The following WDPCP variants were observed in gnomAD, a reference collection of about 807,000 sequenced individuals.
The protein encoded by WDPCP is WD repeat containing planar cell polarity effector.
Under a neutral mutation model 93.1 loss-of-function variants are expected in WDPCP, and 71 were observed. The observed-to-expected ratio is 0.76, with a 90% CI of 0.63 to 0.93. The LOEUF (loss-of-function observed/expected upper bound fraction) is 0.93. WDPCP is among the 40% of genes least tolerant of loss of function. The pLI, the probability that WDPCP is intolerant of heterozygous loss-of-function variation, is 0.00. For synonymous variants in WDPCP, 315 were observed against 315.0 expected, an observed-to-expected ratio of 1.00 and a Z score of 0.00; for missense variants, 844 against 887.4, an observed-to-expected ratio of 0.95 and a Z score of 0.62.
chr2:63,282,372 G>A (rs879474210), intron 13 of WDPCP, among the ~76,000 whole-genome samples: 2 of 152,178 alleles, frequency 1.3e-5, no homozygotes, highest in Non-Finnish European at 2.9e-5. Flanking sequence ...GGGCGTGGTG[G>A]TGCGTACCTG....
chr2:63,579,757 G>A (rs1258484098), intron 1 of WDPCP, among the ~76,000 whole-genome samples: 1 of 125,190 alleles, frequency 8.0e-6, no homozygotes, highest in Non-Finnish European at 1.6e-5. Context: ...AGGCAGGTAG[G>A]TAGATACACA....
chr2:63,248,991 G>A (rs75321049), intron 14 of WDPCP, among the ~76,000 whole-genome samples: 12,765 of 151,628 alleles, frequency 0.084, 738 homozygotes, highest in African/African-American at 0.16. Flanking sequence ...CTGTTTTAAA[G>A]ACTTTGCCTA....
intron 15 of WDPCP, among the ~76,000 whole-genome samples, chr2:63,164,404 C>T (rs1672824349): frequency 6.6e-6 from 1 of 152,124 alleles, no homozygotes; most frequent in African/African-American, 2.4e-5. Flanking sequence ...GCACTGTCCC[C>T]TTGGTGCTGT....
intron 13 of WDPCP, among the ~76,000 whole-genome samples, chr2:63,311,484 G>A (rs947451957): frequency 6.6e-6 from 1 of 152,192 alleles, no homozygotes; most frequent in Admixed American, 6.5e-5. Flanking sequence ...CTTTAAAGCA[G>A]ACCTTGGGCT....
chr2:63,814,873 T>C (rs1360034565), intron 1 of WDPCP, among the ~76,000 whole-genome samples: 7 of 152,202 alleles, frequency 4.6e-5, no homozygotes. Flanking sequence ...TAGGATATGT[T>C]TGTCAACTCT....
rs115989750 is a variant in WDPCP at position 63,802,977 on chromosome 2, A to G, written n.308+10645T>C. ...ACATTGTAATAACACAAAAAGTTCA[A>G]GGTTTTCATTTTGTAGTGAGCTCCT... On this transcript the variant is annotated intron_variant and non_coding_transcript_variant, in intron 2 of 4. Transcript: ENST00000467687. 6.2e-3 allele frequency among the ~76,000 whole-genome samples: 947 copies of G among 152,300 alleles called. 7 individuals carry two copies. The highest frequency in any genetic ancestry group is 0.021 in the South Asian group (103 of 4,822).
chr2:63,622,583 G>A, intron 3 of WDPCP: 1 of 1,613,932 alleles, frequency 6.2e-7, no homozygotes, highest in Non-Finnish European at 8.5e-7. Context: ...CCACAATAGA[G>A]TCCTCCAGGA....
chr2:63,214,309 T>G (rs1331688392), intron 14 of WDPCP, among the ~76,000 whole-genome samples: 1 of 152,212 alleles, frequency 6.6e-6, no homozygotes, highest in East Asian at 1.9e-4. Context: ...GATGCAAGGC[T>G]GGTTCATTAT....
At chr2:63,635,892 C>A (rs1349248776) in intron 3 of WDPCP, among the ~76,000 whole-genome samples, 1 of 152,038 alleles carries the variant, frequency 6.6e-6, no homozygotes, top group Non-Finnish European at 1.5e-5. Flanking sequence ...TCAAAGATAT[C>A]TACATTGGAA....
intron 6 of WDPCP, among the ~76,000 whole-genome samples, chr2:63,476,661 A>G (rs1448385412): frequency 6.6e-6 from 1 of 152,150 alleles, no homozygotes; most frequent in Admixed American, 6.6e-5. Flanking sequence ...AGTTCTTCCC[A>G]CAATGGTTGA....
chr2:63,264,364 G>A (rs1330831948), intron 13 of WDPCP, among the ~76,000 whole-genome samples: 1 of 152,204 alleles, frequency 6.6e-6, no homozygotes, highest in African/African-American at 2.4e-5. Flanking sequence ...AAAAGGCTGG[G>A]TGCGGTGGCT....
intron 15 of WDPCP, among the ~76,000 whole-genome samples, chr2:63,169,753 T>C (rs1325273890): frequency 6.6e-6 from 1 of 152,194 alleles, no homozygotes; most frequent in Admixed American, 6.5e-5. Flanking sequence ...ACTTTTTTAC[T>C]TCTCATTTTC....
At chr2:63,470,305 T>C (rs1699618403) in intron 6 of WDPCP, among the ~76,000 whole-genome samples, 1 of 152,190 alleles carries the variant, frequency 6.6e-6, no homozygotes, top group Non-Finnish European at 1.5e-5. Flanking sequence ...TAATCAACAA[T>C]CTATTTGACT....
At chr2:63,742,490 C>T (rs1218531557) in intron 2 of WDPCP, among the ~76,000 whole-genome samples, 2 of 151,484 alleles carry the variant, frequency 1.3e-5, no homozygotes, top group Non-Finnish European at 2.9e-5. Flanking sequence ...TTGGGATGGT[C>T]CTCAGAATTT....
At chr2:63,185,097 TG>T (rs1242716990) in intron 14 of WDPCP, among the ~76,000 whole-genome samples, 1 of 152,238 alleles carries the variant, frequency 6.6e-6, no homozygotes, top group Non-Finnish European at 1.5e-5. Context: ...AAGTTCTCCG[TG>T]ATAAATTTCT....
intron 2 of WDPCP, among the ~76,000 whole-genome samples, chr2:63,792,919 A>T (rs1365013533): frequency 1.4e-5 from 2 of 145,464 alleles, no homozygotes; most frequent in African/African-American, 2.5e-5. Context: ...ATAACAGTGT[A>T]AAAAAAAAAA....
intron 1 of WDPCP, among the ~76,000 whole-genome samples, chr2:63,586,445 C>A (rs1225405563): frequency 1.3e-5 from 2 of 152,186 alleles, no homozygotes; most frequent in Non-Finnish European, 2.9e-5. Flanking sequence ...CCTGGAGATT[C>A]AAACTCACAG....
intron 2 of WDPCP, among the ~76,000 whole-genome samples, chr2:63,701,722 A>G (rs910378527): frequency 4.6e-5 from 7 of 152,210 alleles, no homozygotes; most frequent in Non-Finnish European, 1.0e-4. Flanking sequence ...ACTGGAGGTC[A>G]TTATATTAAG....
the WDPCP span, among the ~76,000 whole-genome samples, chr2:63,833,966 T>G: frequency 6.6e-6 from 1 of 151,850 alleles, no homozygotes; most frequent in East Asian, 1.9e-4. Context: ...TGTAAGTGTA[T>G]GCCAACATAC....
Sources: gnomAD v4.1 joint callset for allele counts (sites outside exome capture counted in the v4.1 genomes callset) on GRCh38, gnomAD v4.1.1 for gene constraint, MANE v1.5 for transcripts, NCBI Gene and HGNC (gene_info 2026-07-23, HGNC 2026-07-21) for gene names.